The following AGPAT1 variants were observed in gnomAD, a reference collection of about 807,000 sequenced individuals.
AGPAT1 encodes the protein 1-acylglycerol-3-phosphate O-acyltransferase 1.
Under a neutral mutation model 31.2 loss-of-function variants are expected in AGPAT1, and 6 were observed. The observed-to-expected ratio is 0.19, with a 90% CI of 0.11 to 0.38. AGPAT1 has a LOEUF of 0.38. Among genes scored for constraint, AGPAT1 ranks in the 10% least tolerant of loss-of-function variants. AGPAT1 has a pLI of 1.00. For synonymous variants in AGPAT1, 139 were observed against 154.0 expected (o/e 0.90, Z 0.72); for missense variants, 187 against 377.8 (o/e 0.49, Z 4.19).
rs1486890256 is a variant in AGPAT1 at position 32,171,649 on chromosome 6, T to C, written c.-9-144A>G. 2.7e-6 allele frequency: 3 copies of C among 1,120,512 alleles called. No individual in the cohort carries two copies. In the African/African-American group the frequency reaches 4.7e-5, roughly 17 times the overall value. The allele number at this position is 1,120,512 out of a possible 1,614,324, so 69.4% of individuals were successfully genotyped here. A position where few individuals can be genotyped will look rare whatever the true frequency, so the allele number is the denominator to read the frequency against. On this transcript the variant is annotated intron_variant, in intron 1 of 6. Transcript: ENST00000375107. The surrounding 1 kb of genome is among the most constrained non-coding windows in gnomAD (Gnocchi z 6.9). ...TGGGGCAGGGGTCTCATTGAAACCTTCCCAGGAAGGCTCTCTAGGATGAGG... is the reference window on the plus strand; with the variant it reads ...TGGGGCAGGGGTCTCATTGAAACCTCCCCAGGAAGGCTCTCTAGGATGAGG...
rs1784907161 is a variant in AGPAT1, at chr6:32,169,847, G to A, written c.679+119C>T. ...AGACTTATTGGCTGATGTGGGGTTA[G>A]ACTAGATGACTGTGTAGACATCTCA... On this transcript the variant is annotated intron_variant, in intron 6 of 6. Transcript: ENST00000375107. This position sits in a 1 kb window ranked among gnomAD's most constrained non-coding sequence, Gnocchi z 5.9. 1 of 916,742 alleles carries A rather than the reference G, an allele frequency of 1.1e-6. No individual in the cohort carries two copies. The highest frequency in any genetic ancestry group is 2.2e-5 in the Admixed American group (1 of 46,078). The allele number at this position is 916,742 out of a possible 1,614,324, so 56.8% of individuals were successfully genotyped here.
chr6:32,177,352 G>A (rs898452269), upstream of AGPAT1: 3 of 356,216 alleles, frequency 8.4e-6, no homozygotes, highest in Non-Finnish European at 1.5e-5. Context: ...AAGAGGAAAG[G>A]GCGGGTCTAG....
chr6:32,176,225 C>A (rs929553912), upstream of AGPAT1: 3 of 873,374 alleles, frequency 3.4e-6, no homozygotes, highest in African/African-American at 5.4e-5. Flanking sequence ...TGTCCTCTTG[C>A]GAGCCCCGCC....
At position 32,168,317 on chromosome 6, in the gene AGPAT1, C is replaced by G. The variant is rs765698654; in HGVS notation, c.*959G>C. 4 of 263,498 alleles carry G rather than the reference C, an allele frequency of 1.5e-5. No homozygotes were observed. Among genetic ancestry groups the G allele is most frequent in the African/African-American group, 2.2e-5 (1 of 45,716 alleles). 16.3% of individuals were successfully genotyped at this position (263,498 alleles called of 1,614,324 possible). A position where few individuals can be genotyped will look rare whatever the true frequency, so the allele number is the denominator to read the frequency against. ...CCCTCTCCTTTTGCTCCCAGCCTAC[C>G]TCCCCAGTTGTGGGAACAGGTCTGG... On this transcript the variant is annotated 3_prime_UTR_variant, in exon 7 of 7. Transcript: ENST00000375107. This position sits in a 1 kb window ranked among gnomAD's most constrained non-coding sequence, Gnocchi z 4.5.
In AGPAT1 at chr6:32,173,459, C is replaced by T. The variant is rs1488462320; in HGVS notation, c.-9-1954G>A. Among the ~76,000 whole-genome samples the T allele has an allele frequency of 1.3e-5, 2 of 152,234 alleles. No homozygotes were observed. The highest frequency in any genetic ancestry group is 3.8e-4 in the East Asian group (2 of 5,204). ...TGAACTATGTGGAGTAGGCTCCCAA[C>T]TCCCTCCAATCCATCTTCCACGTAG... is the stretch of plus-strand genomic sequence containing the variant. On this transcript the variant is annotated intron_variant, in intron 1 of 6. Transcript: ENST00000375107. The surrounding 1 kb of genome is among the most constrained non-coding windows in gnomAD (Gnocchi z 4.7).
At position 32,172,597 on chromosome 6, in the gene AGPAT1, C is replaced by G. The variant is rs1179903813; in HGVS notation, c.-9-1092G>C. Among the ~76,000 whole-genome samples, 1 of 152,196 alleles carries G rather than the reference C, an allele frequency of 6.6e-6. No individual in the cohort carries two copies. Among genetic ancestry groups the G allele is most frequent in the East Asian group, 1.9e-4 (1 of 5,202 alleles). On this transcript the variant is annotated intron_variant, in intron 1 of 6. Transcript: ENST00000375107. The surrounding 1 kb of genome is among the most constrained non-coding windows in gnomAD (Gnocchi z 4.3). ...TACCTGAGGTCATACAGCTCCTAAA[C>G]AGCAGTTTCTAGGTTAAATCTAAGC... is the stretch of plus-strand genomic sequence containing the variant.
In AGPAT1 at chr6:32,171,651, C is replaced by T. The variant is rs2127416081; in HGVS notation, c.-9-146G>A. 9.2e-7 allele frequency: 1 copy of T among 1,091,754 alleles called. No individual in the cohort carries two copies. Among genetic ancestry groups the T allele is most frequent in the African/African-American group, 1.6e-5 (1 of 63,838 alleles). The allele number at this position is 1,091,754 out of a possible 1,614,324, so 67.6% of individuals were successfully genotyped here. A position where few individuals can be genotyped will look rare whatever the true frequency, so the allele number is the denominator to read the frequency against. Reference sequence around the variant, plus strand: ...GGGCAGGGGTCTCATTGAAACCTTCCCAGGAAGGCTCTCTAGGATGAGGGT... The same window carrying T: ...GGGCAGGGGTCTCATTGAAACCTTCTCAGGAAGGCTCTCTAGGATGAGGGT... On this transcript the variant is annotated intron_variant, in intron 1 of 6. Coordinates refer to ENST00000375107, the MANE Select transcript of AGPAT1 (RefSeq NM_006411.4). The surrounding 1 kb of genome is among the most constrained non-coding windows in gnomAD (Gnocchi z 6.9).
rs750865393 is a variant in AGPAT1, at chr6:32,169,633, C to G, written c.680-185G>C. On this transcript the variant is annotated intron_variant, in intron 6 of 6. Transcript: ENST00000375107. The surrounding 1 kb of genome is among the most constrained non-coding windows in gnomAD (Gnocchi z 5.9). ...CTCCTATACAAAGCCTTCTCCAATCCCCAGTTCAGACATCTCCTCAGCACC... is the reference window on the plus strand; with the variant it reads ...CTCCTATACAAAGCCTTCTCCAATCGCCAGTTCAGACATCTCCTCAGCACC... 1.4e-5 allele frequency: 10 copies of G among 703,784 alleles called. No homozygotes were observed. The highest frequency in any genetic ancestry group is 1.9e-5 in the Non-Finnish European group (8 of 430,808). 43.6% of individuals were successfully genotyped at this position (703,784 alleles called of 1,614,324 possible).
rs1354521326 is a variant in AGPAT1, at chr6:32,176,051, T to A, written c.-247A>T. 2.4e-6 allele frequency: 1 copy of A among 413,216 alleles called. No homozygotes were observed. The highest frequency in any genetic ancestry group is 3.2e-6 in the Non-Finnish European group (1 of 311,346). 25.6% of individuals were successfully genotyped at this position (413,216 alleles called of 1,614,324 possible). ...GCACCCTCCCTCCCTCCCTTTCTGC[T>A]GTCTCTCTGAGGGCTGGGGCTGCTG... On this transcript the variant is annotated 5_prime_UTR_variant, in exon 1 of 7. Transcript: ENST00000375107.
chr6:32,176,435 T>C (rs1165621096), upstream of AGPAT1: 2 of 939,046 alleles, frequency 2.1e-6, no homozygotes, highest in Non-Finnish European at 2.5e-6. Context: ...CTGCTGCTTA[T>C]TCCCCCCAAC....
In AGPAT1 at chr6:32,170,151, A is replaced by C. The variant is rs1219894371; in HGVS notation, c.606+14T>G. The C allele has an allele frequency of 6.2e-6, 10 of 1,613,746 alleles. No homozygotes were observed. The highest frequency in any genetic ancestry group is 8.5e-6 in the Non-Finnish European group (10 of 1,179,766). On this transcript the variant is annotated intron_variant, in intron 5 of 6. Coordinates refer to ENST00000375107, the MANE Select transcript of AGPAT1 (RefSeq NM_006411.4). This position sits in a 1 kb window ranked among gnomAD's most constrained non-coding sequence, Gnocchi z 7.7. Reference sequence around the variant, plus strand: ...GGTTGGCAGCTGAGTAGCAGAACGAAGAGCAGTAGTCACCTGGGCCTGCAC... The same window carrying C: ...GGTTGGCAGCTGAGTAGCAGAACGACGAGCAGTAGTCACCTGGGCCTGCAC...
In AGPAT1 at chr6:32,171,792, T is replaced by A. The variant is rs1423163745; in HGVS notation, c.-9-287A>T. On this transcript the variant is annotated intron_variant, in intron 1 of 6. Transcript: ENST00000375107. This position sits in a 1 kb window ranked among gnomAD's most constrained non-coding sequence, Gnocchi z 6.9. ...CAATTCACAGATACCTGATAATAAA[T>A]GACAACAAGAATAATAGCTAACACT... 1.8e-6 allele frequency: 1 copy of A among 565,330 alleles called. No homozygotes were observed. The highest frequency in any genetic ancestry group is 2.2e-5 in the South Asian group (1 of 46,228). 35.0% of individuals were successfully genotyped at this position (565,330 alleles called of 1,614,324 possible).
At position 32,169,855 on chromosome 6, in the gene AGPAT1, G is replaced by A; in HGVS notation, c.679+111C>T. 1 of 981,982 alleles carries A rather than the reference G, an allele frequency of 1.0e-6. No individual in the cohort carries two copies. The highest frequency in any genetic ancestry group is 1.6e-6 in the Non-Finnish European group (1 of 639,588). The allele number at this position is 981,982 out of a possible 1,614,324, so 60.8% of individuals were successfully genotyped here. ...TGGCTGATGTGGGGTTAGACTAGAT[G>A]ACTGTGTAGACATCTCATGGCTCTG... On this transcript the variant is annotated intron_variant, in intron 6 of 6. Transcript: ENST00000375107. This position sits in a 1 kb window ranked among gnomAD's most constrained non-coding sequence, Gnocchi z 5.9.
rs1785189337 is a variant in AGPAT1 at position 32,172,482 on chromosome 6, T to C, written c.-9-977A>G. The stretch of plus-strand genomic sequence containing the variant: ...AACAGTACTGGTCTATACATTAAGT[T>C]AAACTCTTAAAATGATGCATATGAT... On this transcript the variant is annotated intron_variant, in intron 1 of 6. Transcript: ENST00000375107. This position sits in a 1 kb window ranked among gnomAD's most constrained non-coding sequence, Gnocchi z 4.3. 1.3e-5 allele frequency among the ~76,000 whole-genome samples: 2 copies of C among 152,194 alleles called. No individual in the cohort carries two copies. The highest frequency in any genetic ancestry group is 4.8e-5 in the African/African-American group (2 of 41,440).
chr6:32,171,012 G>C lies in AGPAT1; in HGVS notation c.259C>G (p.Arg87Gly). ...KYLYGIRVEV[R>G]GAHHFPPSQP... ...GAGGGAGGGAAGTGGTGAGCCCCTCGCACCTCCACTCGGATCCCGTACAGG... is the reference window on the plus strand; with the variant it reads ...GAGGGAGGGAAGTGGTGAGCCCCTCCCACCTCCACTCGGATCCCGTACAGG... Residue 87 changes from arginine to glycine, a missense_variant, in exon 3 of 7, where the codon CGA becomes GGA. Coordinates refer to ENST00000375107, the MANE Select transcript of AGPAT1 (RefSeq NM_006411.4). The surrounding 1 kb of genome is among the most constrained non-coding windows in gnomAD (Gnocchi z 6.9). 6.2e-7 allele frequency: 1 copy of C among 1,612,718 alleles called. No homozygotes were observed. The highest frequency in any genetic ancestry group is 8.5e-7 in the Non-Finnish European group (1 of 1,179,956).
Position 32,170,732 on chromosome 6 carries a change from C to T in AGPAT1, c.335-132G>A. 1 of 1,358,578 alleles carries T rather than the reference C, an allele frequency of 7.4e-7. No individual in the cohort carries two copies. The highest frequency in any genetic ancestry group is 1.0e-6 in the Non-Finnish European group (1 of 971,000). The allele number at this position is 1,358,578 out of a possible 1,614,324, so 84.2% of individuals were successfully genotyped here. ...GAGGAGACTAGGCAGGGAGGGGGGC[C>T]CCAAGTGAAGGAAAGGGTGACCAAA... On this transcript the variant is annotated intron_variant, in intron 3 of 6. Transcript: ENST00000375107. This position sits in a 1 kb window ranked among gnomAD's most constrained non-coding sequence, Gnocchi z 7.7.
rs1785370645 is a variant in AGPAT1 at position 32,174,565 on chromosome 6, T to C, written c.-10+1249A>G. On this transcript the variant is annotated intron_variant, in intron 1 of 6. Transcript: ENST00000375107. The surrounding 1 kb of genome is among the most constrained non-coding windows in gnomAD (Gnocchi z 4.5). ...CCATAAATAAATACCAACAATGGGG[T>C]TCACAGCAGGATTGACCCTGTGACA... is the stretch of plus-strand genomic sequence containing the variant. Among the ~76,000 whole-genome samples, 1 of 151,894 alleles carries C rather than the reference T, an allele frequency of 6.6e-6. No homozygotes were observed. Among genetic ancestry groups the C allele is most frequent in the Admixed American group, 6.6e-5 (1 of 15,258 alleles).
upstream of AGPAT1, chr6:32,177,037 T>C (rs1785623251): frequency 2.5e-6 from 1 of 398,672 alleles, no homozygotes; most frequent in African/African-American, 2.1e-5. Context: ...TCCCTCTCAA[T>C]ATCTTCCTTC....
Position 32,175,735 on chromosome 6 carries a change from C to A in AGPAT1, c.-10+79G>T. On this transcript the variant is annotated intron_variant, in intron 1 of 6. Transcript: ENST00000375107. This position sits in a 1 kb window ranked among gnomAD's most constrained non-coding sequence, Gnocchi z 4.5. ...TCTCCCCCAGTCGGCCCTCCCAGAC[C>A]CAATCTCTCCCCTTCCCCTCATCCT... 1.2e-6 allele frequency: 1 copy of A among 817,348 alleles called. No individual in the cohort carries two copies. The highest frequency in any genetic ancestry group is 1.5e-6 in the Non-Finnish European group (1 of 676,108). The allele number at this position is 817,348 out of a possible 1,614,324, so 50.6% of individuals were successfully genotyped here.
Sources: allele counts gnomAD v4.1 joint callset (sites outside exome capture counted in the v4.1 genomes callset), GRCh38; gene constraint gnomAD v4.1.1; non-coding constraint Gnocchi (gnomAD v3.1); transcripts MANE v1.5; gene names NCBI Gene and HGNC (gene_info 2026-07-23, HGNC 2026-07-21).